LOXHD1: variants seen among roughly 807,000 people sequenced by gnomAD.
LOXHD1 encodes lipoxygenase homology domain-containing protein 1.
Under a neutral mutation model 248.2 loss-of-function variants are expected in LOXHD1, and 205 were observed. That is an observed-to-expected ratio of 0.83 (90% CI 0.74 to 0.93). The LOEUF (loss-of-function observed/expected upper bound fraction) is 0.93. LOXHD1 is among the 40% of genes least tolerant of loss of function. LOXHD1 has a pLI of 0.00. For missense variants in LOXHD1, 2,930 were observed against 2,971.6 expected (o/e 0.99, Z 0.33); for synonymous variants, 1,113 against 1,162.8 (o/e 0.96, Z 0.87).
chr18:46,574,709 C>A (rs544689849), intron 14 of LOXHD1, among the ~76,000 whole-genome samples: 1 of 152,266 alleles, frequency 6.6e-6, no homozygotes, highest in African/African-American at 2.4e-5. Flanking sequence ...TTCCGCCCAG[C>A]CATCAGCATC....
chr18:46,584,385 G>A (rs954032933), intron 12 of LOXHD1, among the ~76,000 whole-genome samples: 1 of 152,044 alleles, frequency 6.6e-6, no homozygotes, highest in Non-Finnish European at 1.5e-5. Flanking sequence ...AAATGCTTTT[G>A]AACATTCTCA....
rs1316255060 is a variant in LOXHD1, at chr18:46,566,460, C to T, written c.2245-11G>A. 6.5e-7 allele frequency: 1 copy of T among 1,546,766 alleles called. No individual in the cohort carries two copies. Among genetic ancestry groups the T allele is most frequent in the Admixed American group, 2.0e-5 (1 of 50,974 alleles). On this transcript the variant is annotated splice_polypyrimidine_tract_variant and intron_variant, in intron 16 of 40. Transcript: ENST00000642948. ...CACCAGCCGGTTGATCTGAAGGAAA[C>T]CCGAGTGAGGGTGAGCAAGGAGCCA...
chr18:46,610,706 C>A, intron 6 of LOXHD1, 70 bp downstream of exon 6: 2 of 1,467,752 alleles, frequency 1.4e-6, no homozygotes. Flanking sequence ...GACTGAGATA[C>A]AACCCTCTGA....
chr18:46,528,538 TAACAGACGGCTTGCCTGGCACTGTGATC>T (rs2035922859), intron 29 of LOXHD1, among the ~76,000 whole-genome samples: 1 of 152,094 alleles, frequency 6.6e-6, no homozygotes, highest in South Asian at 2.1e-4. Flanking sequence ...ACCCTTTGCT[TAACAGACGGCTTGCCTGGCACTGTGATC>T]AACAGGCCAG....
At chr18:46,533,953 A>G (rs765919747) in intron 27 of LOXHD1, among the ~76,000 whole-genome samples, 32 of 152,196 alleles carry the variant, frequency 2.1e-4, no homozygotes, top group Non-Finnish European at 1.0e-4. Context: ...TCATATCCAT[A>G]GCTATGGCTG....
intron 25 of LOXHD1, among the ~76,000 whole-genome samples, chr18:46,538,934 C>T (rs2036438783): frequency 1.3e-5 from 2 of 152,194 alleles, no homozygotes; most frequent in African/African-American, 4.8e-5. Context: ...CATTCAGGTT[C>T]CGTCACATTA....
At chr18:46,560,048 T>TGCCGTCCCCC in intron 19 of LOXHD1, 35 bp downstream of exon 19, 3 of 1,226,296 alleles carry the variant, frequency 2.4e-6, no homozygotes, top group Non-Finnish European at 3.4e-6. Context: ...GTCTGGCCAC[T>TGCCGTCCCCC]CCCTCCCCAC....
intron 21 of LOXHD1, among the ~76,000 whole-genome samples, chr18:46,557,055 C>T (rs1208057193): frequency 2.0e-5 from 3 of 151,348 alleles, no homozygotes; most frequent in African/African-American, 7.3e-5. Flanking sequence ...CCTCACCCTC[C>T]AATGTCACAC....
Position 46,594,417 on chromosome 18 carries a change from C to T in LOXHD1, c.1184G>A (p.Ser395Asn). 6.4e-7 allele frequency: 1 copy of T among 1,551,664 alleles called. No individual in the cohort carries two copies. Among genetic ancestry groups the T allele is most frequent in the Non-Finnish European group, 8.7e-7 (1 of 1,146,988 alleles). Residue 395 changes from serine (S) to asparagine (N), a missense_variant, in exon 9 of 41, where the codon AGC becomes AAC. Physicochemically the swap from Ser to Asn is conservative, Grantham distance 46. Coordinates refer to ENST00000642948, the MANE Select transcript of LOXHD1 (RefSeq NM_001384474.1). ...CGCTTTCTTCTCATCCAGCCAGTTG[C>T]TACAAGGGAAGGTCTGCTGGATACC... Reference protein sequence around the residue: ...FTGIQQTFPCSNWLDEKKADG... With the variant: ...FTGIQQTFPCNNWLDEKKADG...
intron 6 of LOXHD1, among the ~76,000 whole-genome samples, chr18:46,607,541 T>C (rs2038436460): frequency 6.6e-6 from 1 of 151,724 alleles, no homozygotes; most frequent in African/African-American, 2.4e-5. Flanking sequence ...TTCATCCAAA[T>C]ATTAACTGGT....
At chr18:46,582,605 A>T (rs933777939) in intron 12 of LOXHD1, among the ~76,000 whole-genome samples, 1 of 152,358 alleles carries the variant, frequency 6.6e-6, no homozygotes, top group African/African-American at 2.4e-5. Flanking sequence ...TAATTGCATT[A>T]AATGTATTAC....
chr18:46,517,277 C>G (rs2035304454), intron 34 of LOXHD1, among the ~76,000 whole-genome samples: 1 of 152,092 alleles, frequency 6.6e-6, no homozygotes, highest in South Asian at 2.1e-4. Flanking sequence ...ACAATGAGTA[C>G]TATAGGAGGG....
chr18:46,544,461 G>C lies in LOXHD1; in HGVS notation c.3619+856C>G, dbSNP rs191730128. On this transcript the variant is annotated intron_variant, in intron 23 of 40. Coordinates refer to ENST00000642948, the MANE Select transcript of LOXHD1 (RefSeq NM_001384474.1). The stretch of plus-strand genomic sequence containing the variant: ...GGAATGATTGCAATCACATGCATTT[G>C]TAGGTTATGACCTAATTATATCATT... Among the ~76,000 whole-genome samples the C allele has an allele frequency of 1.4e-4, 22 of 152,268 alleles. No individual in the cohort carries two copies. The East Asian group carries it at 3.7e-3, about 25-fold the overall frequency.
intron 4 of LOXHD1, among the ~76,000 whole-genome samples, chr18:46,618,633 G>A (rs1187663254): frequency 6.6e-6 from 1 of 152,146 alleles, no homozygotes; most frequent in Non-Finnish European, 1.5e-5. Context: ...GAAACACAGG[G>A]ATCAGCCCAG....
intron 26 of LOXHD1, 112 bp from the exon 27 acceptor site, chr18:46,534,563 C>T: frequency 1.3e-6 from 1 of 766,840 alleles, no homozygotes; most frequent in East Asian, 2.7e-5. Context: ...TGCATTTCCT[C>T]CTGATACGTC....
In LOXHD1 at chr18:46,508,301, A is replaced by C. The variant is rs142519571; in HGVS notation, c.5518-589T>G. On this transcript the variant is annotated intron_variant, in intron 35 of 40. Coordinates refer to ENST00000642948, the MANE Select transcript of LOXHD1 (RefSeq NM_001384474.1). ...TTCATATGTTGAATTCTTAACCCAC[A>C]GTCCCTCAGAATGTGACCTTATTAG... Among the ~76,000 whole-genome samples the C allele has an allele frequency of 6.8e-3, 1,033 of 152,318 alleles. 20 individuals are homozygous for C. The highest frequency in any genetic ancestry group is 0.024 in the African/African-American group (988 of 41,566).
At chr18:46,566,557 G>A (rs1222118890) in intron 16 of LOXHD1, 108 bp from the exon 17 acceptor site, 7 of 943,202 alleles carry the variant, frequency 7.4e-6, no homozygotes, top group Non-Finnish European at 1.1e-5. Context: ...CAGGTCTCCA[G>A]TCCCCAGGAG....
At chr18:46,526,002 G>A (rs2035810955) in intron 29 of LOXHD1, among the ~76,000 whole-genome samples, 1 of 152,148 alleles carries the variant, frequency 6.6e-6, no homozygotes, top group Non-Finnish European at 1.5e-5. Flanking sequence ...GGCTTTCCAG[G>A]CAGCTCAGGT....
intron 28 of LOXHD1, among the ~76,000 whole-genome samples, chr18:46,530,416 G>T (rs2036012654): frequency 6.6e-6 from 1 of 152,198 alleles, no homozygotes; most frequent in African/African-American, 2.4e-5. Flanking sequence ...GACAAAGCCA[G>T]ATTCATGCAG....
Sources: allele counts gnomAD v4.1 joint callset (sites outside exome capture counted in the v4.1 genomes callset), GRCh38; gene constraint gnomAD v4.1.1; transcripts MANE v1.5; gene names NCBI Gene and HGNC (gene_info 2026-07-23, HGNC 2026-07-21).